The following LYST variants were observed in gnomAD, a reference collection of about 807,000 sequenced individuals.
LYST encodes the protein lysosomal trafficking regulator.
Under a neutral mutation model 413.6 loss-of-function variants are expected in LYST, and 192 were observed. The observed-to-expected ratio is 0.46, with a 90% confidence interval of 0.41 to 0.52. The LOEUF is 0.52. Ranked by LOEUF, LYST falls within the 20% of genes least tolerant of loss-of-function variation. The probability of loss-of-function intolerance (pLI) is 0.00; values close to 1 mark genes in which losing one functional copy is unlikely to be tolerated. For missense variants in LYST, 3,815 were observed against 4,499.9 expected, an observed-to-expected ratio of 0.85 and a Z score of 4.35; for synonymous variants, 1,525 against 1,567.3, an observed-to-expected ratio of 0.97 and a Z score of 0.64.
chr1:235,852,716 T>C (rs949126759), intron 1 of LYST, among the ~76,000 whole-genome samples: 16 of 152,196 alleles, frequency 1.1e-4, no homozygotes, highest in African/African-American at 3.9e-4. Flanking sequence ...ATTTAATAAA[T>C]TATTTTAAAA....
Position 235,866,034 on chromosome 1 carries a change from T to C in LYST, c.-98+809A>G, listed in dbSNP as rs568072971. Among the ~76,000 whole-genome samples the C allele has an allele frequency of 4.6e-5, 7 of 152,296 alleles. No homozygotes were observed. The South Asian group carries it at 1.2e-3, about 27-fold the overall frequency. The stretch of plus-strand genomic sequence containing the variant: ...AGCGGATCGGGGATGTTTTGCTATG[T>C]TTTGTTTAACCAGATAAGAATTAGC... On this transcript the variant is annotated intron_variant, in intron 1 of 52. Coordinates refer to ENST00000389793, the MANE Select transcript of LYST (RefSeq NM_000081.4).
At chr1:235,773,592 G>T (rs542706364) in intron 19 of LYST, among the ~76,000 whole-genome samples, 1 of 152,278 alleles carries the variant, frequency 6.6e-6, no homozygotes, top group African/African-American at 2.4e-5. Context: ...GAGATCCTTA[G>T]ATTAGTCAAA....
At position 235,808,744 on chromosome 1, in the gene LYST, C is replaced by T. The variant is rs781387826; in HGVS notation, c.2074G>A (p.Ala692Thr). ...GSEDLLWKWD[A>T]LKAYQNFVFE... ...ACAAAGTTCTGATAAGCCTTTAAAGCATCCCATTTCCACAACAAATCTTCA... is the reference window on the plus strand; with the variant it reads ...ACAAAGTTCTGATAAGCCTTTAAAGTATCCCATTTCCACAACAAATCTTCA... Residue 692 changes from alanine to threonine, a missense_variant, in exon 5 of 53, where the codon GCT becomes ACT. Ala to Thr is a moderately conservative substitution (Grantham distance 58). Around this residue, in one of 4 missense-constraint regions of LYST, gnomAD observed 1,648 missense variants for 1,810.3 expected, o/e 0.91. Transcript: ENST00000389793. The T allele has an allele frequency of 7.4e-6, 12 of 1,613,838 alleles. No homozygotes were observed. In the African/African-American group the frequency reaches 1.2e-4, roughly 16 times the overall value.
At chr1:235,762,517 A>G (rs919803366) in intron 22 of LYST, among the ~76,000 whole-genome samples, 1 of 152,224 alleles carries the variant, frequency 6.6e-6, no homozygotes, top group Non-Finnish European at 1.5e-5. Flanking sequence ...AATGACTATG[A>G]TAAGAGAAGT....
At chr1:235,755,694 T>C in intron 24 of LYST, 47 bp from the exon 25 acceptor site, 2 of 953,170 alleles carry the variant, frequency 2.1e-6, no homozygotes, top group Non-Finnish European at 3.4e-6. Context: ...TAAAATTAAA[T>C]ATAATATATA....
rs546317523 is a variant in LYST at position 235,808,501 on chromosome 1, C to T, written c.2317G>A (p.Val773Met). ...AGAGTTTTTACATAAATCTGAAGCA[C>T]GTCCTGAGGCAAGCACTGGTTATGA... is the stretch of plus-strand genomic sequence containing the variant. ...SHHNQCLPQD[V>M]LQIYVKTLPI... The change falls in exon 5 of 53, where the codon GTG (valine) becomes ATG (methionine). Residue 773 changes from valine to methionine, a missense_variant. By Grantham distance (21) the Val-to-Met change is conservative (BLOSUM62 1). This residue lies in a region of LYST where 1,648 missense variants were observed against 1,810.3 expected (regional missense o/e 0.91). Transcript: ENST00000389793. 4.2e-5 allele frequency: 68 copies of T among 1,613,492 alleles called. No homozygotes were observed. Among genetic ancestry groups the T allele is most frequent in the African/African-American group, 1.5e-4 (11 of 74,882 alleles).
intron 1 of LYST, among the ~76,000 whole-genome samples, chr1:235,865,403 T>C (rs1313894878): frequency 1.3e-5 from 2 of 152,222 alleles, no homozygotes; most frequent in South Asian, 2.1e-4. Context: ...GTTTATTATC[T>C]GAGGTCCCCA....
At chr1:235,831,816 G>T (rs74148838) in intron 2 of LYST, among the ~76,000 whole-genome samples, 10,325 of 151,984 alleles carry the variant, frequency 0.068, 1,173 homozygotes, top group African/African-American at 0.24. Context: ...GAAAGTAAAA[G>T]TATTAAATAA....
At chr1:235,689,425 C>T (rs986031321) in intron 47 of LYST, among the ~76,000 whole-genome samples, 3 of 152,068 alleles carry the variant, frequency 2.0e-5, no homozygotes, top group African/African-American at 4.8e-5. Flanking sequence ...GATCCTGCTC[C>T]TATGTGGAAT....
At chr1:235,787,522 G>C (rs12078578) in intron 13 of LYST, 149 bp from the exon 14 acceptor site, 11 of 685,190 alleles carry the variant, frequency 1.6e-5, no homozygotes, top group Non-Finnish European at 2.8e-5. Flanking sequence ...GTAGGTCTTC[G>C]TTTTATACCA....
chr1:235,743,279 A>G (rs987573817), intron 30 of LYST, among the ~76,000 whole-genome samples: 22 of 152,156 alleles, frequency 1.4e-4, no homozygotes, highest in African/African-American at 5.3e-4. Flanking sequence ...AGTTTTAAAA[A>G]CAGCTCCTCT....
Position 235,702,912 on chromosome 1 carries a change from C to T in LYST, c.10209G>A (p.Met3403Ile), listed in dbSNP as rs1475169927. 1.9e-6 allele frequency: 3 copies of T among 1,614,198 alleles called. No homozygotes were observed. Among genetic ancestry groups the T allele is most frequent in the African/African-American group, 2.7e-5 (2 of 75,058 alleles). Residue 3403 changes from methionine to isoleucine, a missense_variant, in exon 45 of 53, where the codon ATG (methionine) becomes ATA (isoleucine). Met to Ile is a conservative substitution (Grantham distance 10). Transcript: ENST00000389793. ...DPVQRRALET[M>I]IKTYGQTPRQ... ...GGGGAGTCTGCCCGTAGGTTTTTAT[C>T]ATGGTTTCTAGCGCTCGTCTCTGAA...
chr1:235,795,183 C>T (rs930090833), intron 10 of LYST, among the ~76,000 whole-genome samples: 2 of 152,084 alleles, frequency 1.3e-5, no homozygotes, highest in African/African-American at 2.4e-5. Flanking sequence ...CAGGGATTAA[C>T]GAAAGGTCTG....
chr1:235,797,463 C>A (rs536685686), intron 10 of LYST, among the ~76,000 whole-genome samples: 3 of 152,216 alleles, frequency 2.0e-5, no homozygotes, highest in African/African-American at 7.2e-5. Context: ...CTCAAAAGTC[C>A]ATACCCCTAG....
chr1:235,771,191 A>G (rs1055796815), intron 19 of LYST, among the ~76,000 whole-genome samples: 1 of 152,220 alleles, frequency 6.6e-6, no homozygotes, highest in African/African-American at 2.4e-5. Flanking sequence ...CAAGGCAGCC[A>G]AAGTATGAAA....
At position 235,720,867 on chromosome 1, in the gene LYST, G is replaced by T; in HGVS notation, c.9354C>A (p.Asn3118Lys). ...TACCATATTCCAGAAGATTAGGGAG[G>T]TTATTTGTGAGTATATTGTGGTATA... ...DDVYHNILTN[N>K]LPNLLEYGNI... is the part of the protein sequence containing the mutation. Residue 3118 changes from asparagine to lysine, a missense_variant, in exon 40 of 53, where the codon AAC becomes AAA. Coordinates refer to ENST00000389793, the MANE Select transcript of LYST (RefSeq NM_000081.4). The T allele has an allele frequency of 6.2e-7, 1 of 1,613,572 alleles. No individual in the cohort carries two copies. Among genetic ancestry groups the T allele is most frequent in the African/African-American group, 1.3e-5 (1 of 75,032 alleles).
rs1678871003 is a variant in LYST at position 235,854,004 on chromosome 1, C to T, written c.-98+12839G>A. Among the ~76,000 whole-genome samples the T allele has an allele frequency of 6.6e-6, 1 of 152,106 alleles. No homozygotes were observed. Among genetic ancestry groups the T allele is most frequent in the South Asian group, 2.1e-4 (1 of 4,820 alleles). ...GGCATTTAAAGGAACTATGAAGGTT[C>T]ATCCAGGTAAATCATCTCCCCGGCT... On this transcript the variant is annotated intron_variant, in intron 1 of 52. Transcript: ENST00000389793. This position sits in a 1 kb window ranked among gnomAD's most constrained non-coding sequence, Gnocchi z 4.1.
At chr1:235,867,553 C>G (rs1479892543), upstream of LYST, among the ~76,000 whole-genome samples, 3 of 152,156 alleles carry the variant, frequency 2.0e-5, no homozygotes, top group African/African-American at 7.2e-5. Flanking sequence ...GACTCCTGTT[C>G]AAACACGGTT....
intron 45 of LYST, among the ~76,000 whole-genome samples, chr1:235,700,258 G>T (rs1333854685): frequency 6.6e-6 from 1 of 152,158 alleles, no homozygotes; most frequent in Non-Finnish European, 1.5e-5. Flanking sequence ...AAGAGCTTCT[G>T]CACGTCAAAA....
Sources: allele counts gnomAD v4.1 joint callset (sites outside exome capture counted in the v4.1 genomes callset), GRCh38; gene constraint gnomAD v4.1.1; regional missense constraint gnomAD v4.1.1; non-coding constraint Gnocchi (gnomAD v3.1); transcripts MANE v1.5; gene names NCBI Gene and HGNC (gene_info 2026-07-23, HGNC 2026-07-21).